Variants in CDK8 observed in about 807,000 individuals in gnomAD.
CDK8 encodes the protein cyclin-dependent kinase 8.
A neutral mutation model predicts 71.5 loss-of-function variants in CDK8; 29 were observed. The observed-to-expected ratio is 0.41, with a 90% CI of 0.30 to 0.55. CDK8 has a LOEUF of 0.55. Among genes scored for constraint, CDK8 ranks in the 20% least tolerant of loss-of-function variants. CDK8 has a pLI of 0.37. For missense variants in CDK8, 288 were observed against 572.6 expected (o/e 0.50, Z 5.07); for synonymous variants, 161 against 192.1 (o/e 0.84, Z 1.34).
At chr13:26,282,844 A>G (rs1249473344) in intron 1 of CDK8, among the ~76,000 whole-genome samples, 1 of 143,086 alleles carries the variant, frequency 7.0e-6, no homozygotes, top group African/African-American at 2.5e-5. Flanking sequence ...AAGGACTCAC[A>G]TAAACTTAAG....
intron 3 of CDK8, 43 bp from the exon 4 acceptor site, chr13:26,353,697 T>C (rs1162834653): frequency 6.9e-7 from 1 of 1,450,576 alleles, no homozygotes; most frequent in Admixed American, 2.1e-5. Flanking sequence ...AATTATCTTT[T>C]CCTTTTTTTA....
At chr13:26,335,683 T>C (rs1872946367) in intron 1 of CDK8, among the ~76,000 whole-genome samples, 1 of 152,142 alleles carries the variant, frequency 6.6e-6, no homozygotes, top group South Asian at 2.1e-4. Context: ...TCATTGTCTT[T>C]AACTTCTTCT....
At chr13:26,315,847 C>G (rs988884821) in intron 1 of CDK8, among the ~76,000 whole-genome samples, 2 of 152,102 alleles carry the variant, frequency 1.3e-5, no homozygotes, top group South Asian at 4.1e-4. Context: ...TAGGAAGCAC[C>G]AGGAACTTGT....
At chr13:26,388,084 G>A (rs1352940634) in intron 6 of CDK8, among the ~76,000 whole-genome samples, 1 of 152,186 alleles carries the variant, frequency 6.6e-6, no homozygotes, top group Non-Finnish European at 1.5e-5. Context: ...TCAATTAAAT[G>A]TAGATTCAAG....
chr13:26,331,223 T>C (rs946128688), intron 1 of CDK8, among the ~76,000 whole-genome samples: 1 of 152,224 alleles, frequency 6.6e-6, no homozygotes, highest in African/African-American at 2.4e-5. Flanking sequence ...TTCATATACC[T>C]GTTGGATCTT....
chr13:26,362,896 T>A (rs1344220710), intron 4 of CDK8, among the ~76,000 whole-genome samples: 1 of 152,186 alleles, frequency 6.6e-6, no homozygotes, highest in African/African-American at 2.4e-5. Context: ...ATAGTAGTAG[T>A]TAACTTGGAA....
At position 26,400,520 on chromosome 13, in the gene CDK8, A is replaced by G; in HGVS notation, c.1001A>G (p.Tyr334Cys). The change falls in exon 10 of 13, where the codon TAT (tyrosine) becomes TGT (cysteine). Residue 334 changes from tyrosine (Y) to cysteine (C), a missense_variant. Around this residue, in one of 6 missense-constraint regions of CDK8, gnomAD observed 96 missense variants for 229.8 expected, o/e 0.42. Coordinates refer to ENST00000381527, the MANE Select transcript of CDK8 (RefSeq NM_001260.3). ...TCAGAACAGGCTATGCAGGACCCCT[A>G]TTTCTTAGAAGACCCACTTCCTACA... ...ITSEQAMQDP[Y>C]FLEDPLPTSD... 6.2e-7 allele frequency: 1 copy of G among 1,612,424 alleles called. No individual in the cohort carries two copies. Among genetic ancestry groups the G allele is most frequent in the Non-Finnish European group, 8.5e-7 (1 of 1,178,614 alleles).
chr13:26,332,488 C>T (rs150956543), intron 1 of CDK8, among the ~76,000 whole-genome samples: 1 of 148,310 alleles, frequency 6.7e-6, no homozygotes, highest in East Asian at 2.0e-4. Context: ...CCATATAATA[C>T]ATATATATAT....
chr13:26,329,989 C>G (rs1164956551), intron 1 of CDK8, among the ~76,000 whole-genome samples: 3 of 152,210 alleles, frequency 2.0e-5, no homozygotes, highest in South Asian at 2.1e-4. Context: ...CATGTAACTA[C>G]TGATTTATTT....
chr13:26,347,193 A>G (rs1412025650), intron 2 of CDK8, among the ~76,000 whole-genome samples: 1 of 152,264 alleles, frequency 6.6e-6, no homozygotes, highest in East Asian at 1.9e-4. Context: ...ATAAAATAAC[A>G]TCCTTTTATG....
intron 4 of CDK8, among the ~76,000 whole-genome samples, chr13:26,379,691 G>A (rs926318420): frequency 2.0e-5 from 3 of 152,142 alleles, no homozygotes; most frequent in Non-Finnish European, 4.4e-5. Flanking sequence ...GCATGTATTC[G>A]TTGTGCTTTT....
At chr13:26,317,720 T>A (rs950636874) in intron 1 of CDK8, among the ~76,000 whole-genome samples, 2 of 152,076 alleles carry the variant, frequency 1.3e-5, no homozygotes, top group Non-Finnish European at 2.9e-5. Context: ...AATTACAAGA[T>A]AAGTTAGAAA....
At chr13:26,371,373 T>G (rs2138028279) in intron 4 of CDK8, among the ~76,000 whole-genome samples, 1 of 152,294 alleles carries the variant, frequency 6.6e-6, no homozygotes, top group South Asian at 2.1e-4. Flanking sequence ...CTGTATTTCC[T>G]CATCTTCTGA....
At chr13:26,286,715 A>G (rs1474686561) in intron 1 of CDK8, among the ~76,000 whole-genome samples, 1 of 152,240 alleles carries the variant, frequency 6.6e-6, no homozygotes, top group East Asian at 1.9e-4. Flanking sequence ...CAGAGTAAAC[A>G]GACAACCCAC....
intron 4 of CDK8, among the ~76,000 whole-genome samples, chr13:26,376,991 A>T (rs987763788): frequency 1.2e-4 from 18 of 152,234 alleles, no homozygotes; most frequent in Admixed American, 2.6e-4. Context: ...GGGAATTATA[A>T]AAAGAAAATG....
At chr13:26,390,545 T>C (rs1211772211) in intron 6 of CDK8, among the ~76,000 whole-genome samples, 2 of 152,190 alleles carry the variant, frequency 1.3e-5, no homozygotes, top group East Asian at 3.8e-4. Flanking sequence ...TGATTTACTT[T>C]GGGGAAAAGG....
intron 1 of CDK8, among the ~76,000 whole-genome samples, chr13:26,294,570 C>A (rs372651833): frequency 1.3e-5 from 2 of 152,272 alleles, no homozygotes; most frequent in East Asian, 3.9e-4. Flanking sequence ...CACATCCTCA[C>A]GAACACTTGT....
At chr13:26,353,912 A>C (rs1373862240) in intron 4 of CDK8, 32 bp downstream of exon 4, 1 of 1,593,806 alleles carries the variant, frequency 6.3e-7, no homozygotes, top group Non-Finnish European at 8.6e-7. Flanking sequence ...TTAAACTAGA[A>C]AGATGCATTA....
At chr13:26,264,739 C>G (rs1294684712) in intron 1 of CDK8, among the ~76,000 whole-genome samples, 1 of 152,128 alleles carries the variant, frequency 6.6e-6, no homozygotes, top group African/African-American at 2.4e-5. Context: ...CCCCACTCAC[C>G]CTTCCTAGTC....
Sources: gnomAD v4.1 joint callset for allele counts (sites outside exome capture counted in the v4.1 genomes callset) on GRCh38, gnomAD v4.1.1 for gene constraint, gnomAD v4.1.1 regional missense constraint, MANE v1.5 for transcripts, NCBI Gene and HGNC (gene_info 2026-07-23, HGNC 2026-07-21) for gene names.